The following APPBP2 variants were observed in gnomAD, a reference collection of about 807,000 sequenced individuals.
APPBP2 encodes amyloid beta precursor protein binding protein 2.
In APPBP2, 15 loss-of-function variants were observed where a neutral mutation model predicts 76.0. The ratio of observed to expected loss-of-function variants is 0.20; its 90% CI spans 0.13 to 0.30. The LOEUF (loss-of-function observed/expected upper bound fraction) is 0.30, where lower values mean the gene tolerates loss of function less well. Among genes scored for constraint, APPBP2 ranks in the 10% least tolerant of loss-of-function variants. The pLI, the probability that APPBP2 is intolerant of heterozygous loss-of-function variation, is 1.00. For missense variants in APPBP2, 401 were observed against 687.2 expected, an observed-to-expected ratio of 0.58 and a Z score of 4.66; for synonymous variants, 222 against 242.2, an observed-to-expected ratio of 0.92 and a Z score of 0.77.
In APPBP2 at chr17:60,505,676, G is replaced by GTTTTTT. The variant is rs1170935393; in HGVS notation, c.139-5195_139-5190dup. ...TCCTAAAAGCCACCTGACCCCTGCGGTTTTTTTTTTTTTTTTTTTTTTTTT... is the reference window on the plus strand; with the variant it reads ...TCCTAAAAGCCACCTGACCCCTGCGGTTTTTTTTTTTTTTTTTTTTTTTTTTTTTTT... On this transcript the variant is annotated intron_variant, in intron 1 of 12. Transcript: ENST00000083182. Among the ~76,000 whole-genome samples the GTTTTTT allele has an allele frequency of 3.3e-4, 28 of 85,710 alleles. 2 individuals are homozygous for GTTTTTT. The highest frequency in any genetic ancestry group is 7.7e-4 in the African/African-American group (10 of 12,998). 56.2% of individuals were successfully genotyped at this position (85,710 alleles called of 152,430 possible). A position where few individuals can be genotyped will look rare whatever the true frequency, so the allele number is the denominator to read the frequency against.
intron 2 of APPBP2, among the ~76,000 whole-genome samples, chr17:60,495,478 A>ATTTC (rs2090768276): frequency 9.1e-6 from 1 of 110,334 alleles, no homozygotes; most frequent in Non-Finnish European, 2.0e-5. Flanking sequence ...TTATTTATTT[A>ATTTC]TTTATGTTTT....
intron 3 of APPBP2, among the ~76,000 whole-genome samples, chr17:60,489,201 G>C (rs147845361): frequency 1.3e-5 from 2 of 151,900 alleles, no homozygotes; most frequent in Non-Finnish European, 2.9e-5. Context: ...CAGCCTGGGC[G>C]ACAGTACAAG....
rs377474324 is a variant in APPBP2, at chr17:60,493,641, T to C, written c.379+825A>G. On this transcript the variant is annotated intron_variant, in intron 3 of 12. Transcript: ENST00000083182. ...GAACCGCCATGCCCAGCCTTTTTTT[T>C]TTCTTTTTTTTTTTTTCTGAGACAG... Among the ~76,000 whole-genome samples the C allele has an allele frequency of 7.1e-4, 103 of 145,684 alleles. 2 individuals carry two copies. In the East Asian group the frequency reaches 0.019, roughly 27 times the overall value.
chr17:60,512,871 G>A (rs1421532783), intron 1 of APPBP2, among the ~76,000 whole-genome samples: 29 of 94,728 alleles, frequency 3.1e-4, no homozygotes, highest in African/African-American at 4.0e-4. Context: ...GAAAAGAAAC[G>A]ACAAAAAAAA....
chr17:60,491,046 G>A (rs183639631), intron 3 of APPBP2, among the ~76,000 whole-genome samples: 1 of 152,206 alleles, frequency 6.6e-6, no homozygotes, highest in African/African-American at 2.4e-5. Context: ...AGCAACTTTG[G>A]AACTGGGTAA....
intron 1 of APPBP2, among the ~76,000 whole-genome samples, chr17:60,508,693 A>G (rs1046556505): frequency 2.0e-5 from 3 of 152,102 alleles, no homozygotes; most frequent in African/African-American, 4.8e-5. Flanking sequence ...CCTATGAAAA[A>G]CTGAAACCTC....
In APPBP2 at chr17:60,445,056, T is replaced by TA. The variant is rs1291211812; in HGVS notation, c.*2524dup. 8.5e-5 allele frequency: 13 copies of TA among 152,272 alleles called. No individual in the cohort carries two copies. Among genetic ancestry groups the TA allele is most frequent in the African/African-American group, 2.9e-4 (12 of 41,552 alleles). The allele number at this position is 152,272 out of a possible 1,614,324, so 9.4% of individuals were successfully genotyped here. ...CTAACTTATCCTAAACATCCCTACTTAAAGGATGAATCTTACACTTAAAGT... is the reference window on the plus strand; with the variant it reads ...CTAACTTATCCTAAACATCCCTACTTAAAAGGATGAATCTTACACTTAAAGT... On this transcript the variant is annotated 3_prime_UTR_variant, in exon 13 of 13. Coordinates refer to ENST00000083182, the MANE Select transcript of APPBP2 (RefSeq NM_006380.5).
chr17:60,465,571 A>C (rs1273731316), intron 5 of APPBP2, among the ~76,000 whole-genome samples: 3 of 152,176 alleles, frequency 2.0e-5, no homozygotes, highest in Non-Finnish European at 4.4e-5. Flanking sequence ...CAAATGTAGA[A>C]GGAAAATAAC....
intron 5 of APPBP2, among the ~76,000 whole-genome samples, chr17:60,466,034 T>G (rs1306170295): frequency 6.6e-6 from 1 of 152,104 alleles, no homozygotes; most frequent in East Asian, 1.9e-4. Flanking sequence ...CTCTCTCACT[T>G]TGTTGCCCAT....
rs984249760 is a variant in APPBP2 at position 60,445,995 on chromosome 17, A to C, written c.*1586T>G. ...AAAATATTAATAAAATTTGAAATCT[A>C]CAACTTTTCTGTACTCAATGTGGCA... is the stretch of plus-strand genomic sequence containing the variant. On this transcript the variant is annotated 3_prime_UTR_variant, in exon 13 of 13. Coordinates refer to ENST00000083182, the MANE Select transcript of APPBP2 (RefSeq NM_006380.5). 6.6e-6 allele frequency: 1 copy of C among 152,220 alleles called. No individual in the cohort carries two copies. Among genetic ancestry groups the C allele is most frequent in the African/African-American group, 2.4e-5 (1 of 41,456 alleles). The allele number at this position is 152,220 out of a possible 1,614,324, so 9.4% of individuals were successfully genotyped here. A position where few individuals can be genotyped will look rare whatever the true frequency, so the allele number is the denominator to read the frequency against.
rs182776312 is a variant in APPBP2, at chr17:60,486,475, G to T, written c.380-7204C>A. ...GATGGCCTCGTCTCTTTTGATCTTT[G>T]TTGGTTTAAAGTCTGTTTTATCAGA... On this transcript the variant is annotated intron_variant, in intron 3 of 12. Transcript: ENST00000083182. 1.8e-3 allele frequency among the ~76,000 whole-genome samples: 270 copies of T among 148,122 alleles called. 2 individuals carry two copies. Among genetic ancestry groups the T allele is most frequent in the Non-Finnish European group, 3.1e-3 (209 of 68,004 alleles).
chr17:60,507,458 G>A (rs1598372044), intron 1 of APPBP2, among the ~76,000 whole-genome samples: 1 of 152,086 alleles, frequency 6.6e-6, no homozygotes, highest in African/African-American at 2.4e-5. Context: ...CTGACCTCAC[G>A]TGAGCTGCCC....
intron 9 of APPBP2, among the ~76,000 whole-genome samples, chr17:60,458,593 C>G (rs1388867500): frequency 6.6e-6 from 1 of 152,170 alleles, no homozygotes; most frequent in East Asian, 1.9e-4. Context: ...GCTGCAACTA[C>G]TGAACTCTGG....
rs1351007937 is a variant in APPBP2, at chr17:60,444,674, A to G, written c.*2907T>C. The G allele has an allele frequency of 6.6e-6, 1 of 152,264 alleles. No homozygotes were observed. The highest frequency in any genetic ancestry group is 1.5e-5 in the Non-Finnish European group (1 of 68,014). 9.4% of individuals were successfully genotyped at this position (152,264 alleles called of 1,614,324 possible). ...AATCCCTTTGGCAAAGTCAGCTTTGAGGATCCATAAAGATTATGCTCTAAA... is the reference window on the plus strand; with the variant it reads ...AATCCCTTTGGCAAAGTCAGCTTTGGGGATCCATAAAGATTATGCTCTAAA... On this transcript the variant is annotated 3_prime_UTR_variant, in exon 13 of 13. Coordinates refer to ENST00000083182, the MANE Select transcript of APPBP2 (RefSeq NM_006380.5).
chr17:60,458,621 A>C (rs1222289548), intron 9 of APPBP2, among the ~76,000 whole-genome samples: 1 of 152,312 alleles, frequency 6.6e-6, no homozygotes, highest in African/African-American at 2.4e-5. Flanking sequence ...AGTGTGAAAG[A>C]AGCTATAGAA....
At chr17:60,508,709 C>T (rs1447940470) in intron 1 of APPBP2, among the ~76,000 whole-genome samples, 1 of 152,120 alleles carries the variant, frequency 6.6e-6, no homozygotes, top group Admixed American at 6.6e-5. Context: ...ACCTCCAGTC[C>T]AGGACACACA....
At chr17:60,455,621 A>G (rs570106746) in intron 10 of APPBP2, among the ~76,000 whole-genome samples, 24 of 152,346 alleles carry the variant, frequency 1.6e-4, no homozygotes, top group Non-Finnish European at 3.1e-4. Context: ...GAAGCTCAGG[A>G]TAAGAATCCT....
chr17:60,470,785 C>T (rs555232992), intron 4 of APPBP2, among the ~76,000 whole-genome samples: 1 of 141,062 alleles, frequency 7.1e-6, no homozygotes, highest in East Asian at 2.0e-4. Flanking sequence ...CCATGTTGGC[C>T]AGACTGGATT....
intron 1 of APPBP2, among the ~76,000 whole-genome samples, chr17:60,507,316 G>A (rs1338079195): frequency 6.6e-6 from 1 of 151,854 alleles, no homozygotes; most frequent in Non-Finnish European, 1.5e-5. Context: ...CTGCCTCCTG[G>A]GTTCAAGTGG....
Sources: gnomAD v4.1 joint callset for allele counts (sites outside exome capture counted in the v4.1 genomes callset) on GRCh38, gnomAD v4.1.1 for gene constraint, MANE v1.5 for transcripts, NCBI Gene and HGNC (gene_info 2026-07-23, HGNC 2026-07-21) for gene names.